The following P2RY14 variants were observed in gnomAD, a reference collection of about 807,000 sequenced individuals.
P2RY14 encodes purinergic receptor P2Y14.
P2RY14 carries 2 observed loss-of-function variants against 0.9 expected under a neutral mutation model. The observed-to-expected ratio is 2.16, with a 90% CI of 0.88 to 6.79. P2RY14 has a LOEUF of 6.79. Ranked by LOEUF, P2RY14 falls within the 30% of genes most tolerant of loss-of-function variation. The pLI is 0.05. For missense variants in P2RY14, 378 were observed against 400.1 expected, an observed-to-expected ratio of 0.94 and a Z score of 0.47; for synonymous variants, 158 against 147.2, an observed-to-expected ratio of 1.07 and a Z score of -0.53.
chr3:151,275,020 A>G (rs1741613761), intron 1 of P2RY14, among the ~76,000 whole-genome samples: 1 of 152,192 alleles, frequency 6.6e-6, no homozygotes, highest in Non-Finnish European at 1.5e-5. Flanking sequence ...CTTTGACCTT[A>G]GGGCTCGACT....
At chr3:151,227,003 C>T (rs935224231) in intron 1 of P2RY14, among the ~76,000 whole-genome samples, 4 of 152,300 alleles carry the variant, frequency 2.6e-5, no homozygotes, top group African/African-American at 7.2e-5. Flanking sequence ...ACAAGGAGAG[C>T]TCTGCTTGCT....
At chr3:151,273,200 A>G (rs1010634102) in intron 1 of P2RY14, among the ~76,000 whole-genome samples, 1 of 151,460 alleles carries the variant, frequency 6.6e-6, no homozygotes, top group East Asian at 1.9e-4. Flanking sequence ...TGATGCTGGC[A>G]ATGACAGCAA....
chr3:151,227,417 A>G (rs1246184918), intron 1 of P2RY14, among the ~76,000 whole-genome samples: 2 of 151,604 alleles, frequency 1.3e-5, no homozygotes, highest in African/African-American at 4.9e-5. Flanking sequence ...TGAGAATGGT[A>G]AGGGGGGACG....
intron 1 of P2RY14, among the ~76,000 whole-genome samples, chr3:151,247,357 C>T (rs1735783182): frequency 6.6e-6 from 1 of 152,026 alleles, no homozygotes; most frequent in Admixed American, 6.6e-5. Flanking sequence ...AGACTTGGAA[C>T]CAAGCCAAAT....
At chr3:151,248,807 T>C (rs1178638672) in intron 1 of P2RY14, 4 of 152,164 alleles carry the variant, frequency 2.6e-5, no homozygotes, top group Non-Finnish European at 2.9e-5. Context: ...CCATTTTACA[T>C]TGTAATCACA....
chr3:151,264,549 T>C (rs1739479970), intron 1 of P2RY14, among the ~76,000 whole-genome samples: 1 of 152,222 alleles, frequency 6.6e-6, no homozygotes, highest in Non-Finnish European at 1.5e-5. Context: ...TGGAGAGTTT[T>C]CTCATTTATA....
At chr3:151,233,052 A>C (rs1172585818) in intron 1 of P2RY14, among the ~76,000 whole-genome samples, 2 of 152,242 alleles carry the variant, frequency 1.3e-5, no homozygotes, top group Non-Finnish European at 2.9e-5. Context: ...AAAAAACACC[A>C]ACATTGTCCC....
intron 2 of P2RY14, among the ~76,000 whole-genome samples, chr3:151,215,716 T>A (rs1476632285): frequency 6.6e-6 from 1 of 152,204 alleles, no homozygotes; most frequent in Admixed American, 6.5e-5. Flanking sequence ...ACAGTACCAA[T>A]TATCCTGCTT....
intron 1 of P2RY14, among the ~76,000 whole-genome samples, chr3:151,271,851 G>A (rs747972618): frequency 4.8e-4 from 73 of 152,202 alleles, no homozygotes; most frequent in Non-Finnish European, 8.8e-4. Flanking sequence ...AATTAGGAAT[G>A]TAGATGGCTG....
At chr3:151,273,992 C>T (rs1158845493) in intron 1 of P2RY14, among the ~76,000 whole-genome samples, 2 of 152,034 alleles carry the variant, frequency 1.3e-5, no homozygotes, top group Non-Finnish European at 2.9e-5. Flanking sequence ...TTTTTTAAAT[C>T]GTGTGGCCTC....
At chr3:151,228,324 C>G (rs1408327401) in intron 1 of P2RY14, among the ~76,000 whole-genome samples, 4 of 152,116 alleles carry the variant, frequency 2.6e-5, no homozygotes, top group Admixed American at 2.0e-4. Flanking sequence ...GCTACCTCAG[C>G]TACATCTAGG....
chr3:151,215,674 G>T (rs192383650), intron 2 of P2RY14, among the ~76,000 whole-genome samples: 94 of 152,278 alleles, frequency 6.2e-4, no homozygotes, highest in African/African-American at 2.2e-3. Context: ...TGATATATCG[G>T]AACAGATGTT....
At chr3:151,265,712 AG>A (rs1739697533) in intron 1 of P2RY14, among the ~76,000 whole-genome samples, 1 of 152,192 alleles carries the variant, frequency 6.6e-6, no homozygotes, top group Admixed American at 6.5e-5. Context: ...CTGGGGTTCC[AG>A]GGAGACGGAT....
chr3:151,213,731 A>G lies in P2RY14; in HGVS notation c.586T>C (p.Trp196Arg), dbSNP rs958147565. The G allele has an allele frequency of 5.6e-6, 9 of 1,614,106 alleles. No individual in the cohort carries two copies. Among genetic ancestry groups the G allele is most frequent in the Non-Finnish European group, 7.6e-6 (9 of 1,180,028 alleles). Residue 196 changes from tryptophan (W) to arginine (R), a missense_variant, in exon 3 of 3, where the codon TGG becomes CGG. By Grantham distance (101) the Trp-to-Arg change is moderately radical. Coordinates refer to ENST00000309170, the MANE Select transcript of P2RY14 (RefSeq NM_014879.4). ...ASNYIFVAIF[W>R]IVFLLLIVFY... ...ACGATTAACAAAAGAAACACAATCC[A>G]GAAGATGGCCACGAAGATGTAGTTT...
intron 1 of P2RY14, among the ~76,000 whole-genome samples, chr3:151,263,767 C>A (rs1739333579): frequency 6.6e-6 from 1 of 152,180 alleles, no homozygotes; most frequent in Non-Finnish European, 1.5e-5. Flanking sequence ...CGTACCACCC[C>A]CCCCACTTAT....
chr3:151,213,117 G>A lies in P2RY14; in HGVS notation c.*183C>T. On this transcript the variant is annotated 3_prime_UTR_variant, in exon 3 of 3. Coordinates refer to ENST00000309170, the MANE Select transcript of P2RY14 (RefSeq NM_014879.4). ...GGTCAGTATTAGAGAAATTACTGAT[G>A]GGTATGTTTTCTTTGATGTTACAAA... 2.0e-6 allele frequency: 1 copy of A among 487,996 alleles called. No homozygotes were observed. Among genetic ancestry groups the A allele is most frequent in the Non-Finnish European group, 3.6e-6 (1 of 279,610 alleles). 30.2% of individuals were successfully genotyped at this position (487,996 alleles called of 1,614,324 possible). A position where few individuals can be genotyped will look rare whatever the true frequency, so the allele number is the denominator to read the frequency against.
chr3:151,251,171 A>G (rs1369667976), intron 1 of P2RY14, among the ~76,000 whole-genome samples: 2 of 152,006 alleles, frequency 1.3e-5, no homozygotes, highest in Non-Finnish European at 2.9e-5. Flanking sequence ...CCCTGTTAGC[A>G]CTTGTGACAT....
intron 1 of P2RY14, among the ~76,000 whole-genome samples, chr3:151,221,496 A>G (rs910864874): frequency 6.6e-6 from 1 of 152,194 alleles, no homozygotes; most frequent in Non-Finnish European, 1.5e-5. Context: ...GGCCCAGCCC[A>G]GGGTCTCTGT....
intron 1 of P2RY14, among the ~76,000 whole-genome samples, chr3:151,237,352 T>TTC (rs1553753082): frequency 4.0e-5 from 5 of 126,356 alleles, no homozygotes; most frequent in Non-Finnish European, 8.0e-5. Context: ...TTTTTTTTCT[T>TTC]TTTTTTTTTT....
Sources: gnomAD v4.1 joint callset for allele counts (sites outside exome capture counted in the v4.1 genomes callset) on GRCh38, gnomAD v4.1.1 for gene constraint, MANE v1.5 for transcripts, NCBI Gene and HGNC (gene_info 2026-07-23, HGNC 2026-07-21) for gene names.